PLAGL1: variants seen among roughly 807,000 people sequenced by gnomAD.
PLAGL1 encodes zinc finger protein PLAGL1.
In PLAGL1, 1 loss-of-function variant was observed where a neutral mutation model predicts 4.6. The ratio of observed to expected loss-of-function variants is 0.22; its 90% CI spans 0.08 to 1.03. PLAGL1 has a LOEUF of 1.03. Ranked by LOEUF, PLAGL1 falls within the 50% of genes least tolerant of loss-of-function variation. The pLI is 0.58. For missense variants in PLAGL1, 464 were observed against 570.4 expected (o/e 0.81, Z 1.90); for synonymous variants, 240 against 237.8 (o/e 1.01, Z -0.08).
intron 1 of PLAGL1, among the ~76,000 whole-genome samples, chr6:144,033,261 G>A (rs1034971243): frequency 1.3e-5 from 2 of 152,216 alleles, no homozygotes; most frequent in Non-Finnish European, 2.9e-5. Context: ...CTACTGCAGG[G>A]TCAGCTTGGA....
chr6:144,010,478 T>C (rs148987149), upstream of PLAGL1, among the ~76,000 whole-genome samples: 2 of 152,280 alleles, frequency 1.3e-5, no homozygotes, highest in African/African-American at 4.8e-5. This position sits in a 1 kb window ranked among gnomAD's most constrained non-coding sequence, Gnocchi z 4.1. Context: ...GGAAAAACAT[T>C]CCATGCTCAT....
chr6:144,047,656 T>A (rs530067069), intron 1 of PLAGL1, among the ~76,000 whole-genome samples: 3 of 152,042 alleles, frequency 2.0e-5, no homozygotes, highest in Admixed American at 6.5e-5. Flanking sequence ...GGGAAAACCA[T>A]CCCCATGATC....
At position 144,061,054 on chromosome 6, in the gene PLAGL1, G is replaced by A. The variant is rs1799352416; in HGVS notation, c.-151+3414C>T. On this transcript the variant is annotated intron_variant, in intron 1 of 3. Transcript: ENST00000437412. This position sits in a 1 kb window ranked among gnomAD's most constrained non-coding sequence, Gnocchi z 4.4. ...GACCTCCACTTATAAGCCTCAGAAA[G>A]AAAAATGTAATTTTCAAAGAAATTT... is the stretch of plus-strand genomic sequence containing the variant. 1.3e-5 allele frequency among the ~76,000 whole-genome samples: 2 copies of A among 152,148 alleles called. No homozygotes were observed. Among genetic ancestry groups the A allele is most frequent in the Non-Finnish European group, 1.5e-5 (1 of 68,026 alleles).
chr6:144,018,058 A>C (rs1160138078), intron 1 of PLAGL1, among the ~76,000 whole-genome samples: 2 of 152,250 alleles, frequency 1.3e-5, no homozygotes, highest in Non-Finnish European at 1.5e-5. Context: ...GAATGAGCAC[A>C]GAAGGAATAA....
rs1217317705 is a variant in PLAGL1 at position 143,953,116 on chromosome 6, ACTT to A, written c.-324-4659_-324-4657del. Among the ~76,000 whole-genome samples, 3 of 152,274 alleles carry A rather than the reference ACTT, an allele frequency of 2.0e-5. No homozygotes were observed. The highest frequency in any genetic ancestry group is 2.0e-4 in the Admixed American group (3 of 15,288). On this transcript the variant is annotated intron_variant, in intron 6 of 7. Coordinates refer to ENST00000674357, the MANE Select transcript of PLAGL1 (RefSeq NM_001317162.2). The surrounding 1 kb of genome is among the most constrained non-coding windows in gnomAD (Gnocchi z 5.3). ...CTGGGAACCCTTGTCTACCTGGCAA[ACTT>A]CTACTTTTCTCTGTCACTGCCAGGC... is the stretch of plus-strand genomic sequence containing the variant.
rs947550612 is a variant in PLAGL1, at chr6:144,061,180, C to T, written c.-151+3288G>A. ...TGTTCCTTTTCACTCCAGGGAGAGTCACAACAGCCAGAAGAGAGCCAACCA... is the reference window on the plus strand; with the variant it reads ...TGTTCCTTTTCACTCCAGGGAGAGTTACAACAGCCAGAAGAGAGCCAACCA... On this transcript the variant is annotated intron_variant, in intron 1 of 3. Transcript: ENST00000437412. This position sits in a 1 kb window ranked among gnomAD's most constrained non-coding sequence, Gnocchi z 4.4. Among the ~76,000 whole-genome samples the T allele has an allele frequency of 6.6e-6, 1 of 152,222 alleles. No individual in the cohort carries two copies. The highest frequency in any genetic ancestry group is 2.4e-5 in the African/African-American group (1 of 41,454).
chr6:144,052,946 T>G (rs1798684151), intron 1 of PLAGL1, among the ~76,000 whole-genome samples: 1 of 152,226 alleles, frequency 6.6e-6, no homozygotes, highest in African/African-American at 2.4e-5. Flanking sequence ...TAATTCTTTC[T>G]TGGTATCATG....
Position 143,952,005 on chromosome 6 carries a change from T to C in PLAGL1, c.-324-3545A>G, listed in dbSNP as rs1360013760. Among the ~76,000 whole-genome samples, 1 of 152,074 alleles carries C rather than the reference T, an allele frequency of 6.6e-6. No homozygotes were observed. Among genetic ancestry groups the C allele is most frequent in the Non-Finnish European group, 1.5e-5 (1 of 68,034 alleles). On this transcript the variant is annotated intron_variant, in intron 6 of 7. Transcript: ENST00000674357. The surrounding 1 kb of genome is among the most constrained non-coding windows in gnomAD (Gnocchi z 6.1). ...ATATGGGCCTTAGAATACAAATATT[T>C]GTTTTCATGATATAATAATAAACTT...
Position 143,971,576 on chromosome 6 carries a change from G to C in PLAGL1, c.-543-2598C>G, listed in dbSNP as rs990226211. On this transcript the variant is annotated intron_variant, in intron 2 of 7. Coordinates refer to ENST00000674357, the MANE Select transcript of PLAGL1 (RefSeq NM_001317162.2). This position sits in a 1 kb window ranked among gnomAD's most constrained non-coding sequence, Gnocchi z 4.7. ...AAGTTGAGAATAGCTAAGAAATTGGGTTTGTCCCAGTGTTCTGTGAAATCA... is the reference window on the plus strand; with the variant it reads ...AAGTTGAGAATAGCTAAGAAATTGGCTTTGTCCCAGTGTTCTGTGAAATCA... Among the ~76,000 whole-genome samples the C allele has an allele frequency of 6.6e-6, 1 of 152,188 alleles. No individual in the cohort carries two copies. The highest frequency in any genetic ancestry group is 1.5e-5 in the Non-Finnish European group (1 of 68,032).
chr6:144,010,409 C>G (rs1220543362), upstream of PLAGL1, among the ~76,000 whole-genome samples: 2 of 152,126 alleles, frequency 1.3e-5, no homozygotes, highest in African/African-American at 4.8e-5. The surrounding 1 kb of genome is among the most constrained non-coding windows in gnomAD (Gnocchi z 4.1). Context: ...ATGTGAAGGA[C>G]CTCTTCAAGG....
chr6:143,948,185 G>A lies in PLAGL1; in HGVS notation c.-49C>T. On this transcript the variant is annotated 5_prime_UTR_variant, in exon 7 of 8. It introduces an in-frame stop codon into an upstream open reading frame of the 5' UTR. Transcript: ENST00000674357. This position sits in a 1 kb window ranked among gnomAD's most constrained non-coding sequence, Gnocchi z 6.0. ...TTTTCAGATGTGCTGACCAAATGCT[G>A]TGCCATTTAAGCACAAACAGAACGA... is the stretch of plus-strand genomic sequence containing the variant. 1 of 1,574,354 alleles carries A rather than the reference G, an allele frequency of 6.4e-7. No individual in the cohort carries two copies. Among genetic ancestry groups the A allele is most frequent in the Non-Finnish European group, 8.7e-7 (1 of 1,147,280 alleles).
chr6:144,054,248 C>G (rs1351952572), intron 1 of PLAGL1, among the ~76,000 whole-genome samples: 1 of 152,212 alleles, frequency 6.6e-6, no homozygotes, highest in Admixed American at 6.5e-5. Flanking sequence ...GTTTAGTATA[C>G]ATCTTTCCAA....
Position 143,955,291 on chromosome 6 carries a change from A to T in PLAGL1, c.-325+5178T>A, listed in dbSNP as rs1781885137. On this transcript the variant is annotated intron_variant, in intron 6 of 7. Transcript: ENST00000674357. This position sits in a 1 kb window ranked among gnomAD's most constrained non-coding sequence, Gnocchi z 4.9. ...CAAGGGAATGAATCCAACCACCTGG[A>T]GAATAAGTGGTTCAGTAAGACTGGA... is the stretch of plus-strand genomic sequence containing the variant. 6.6e-6 allele frequency among the ~76,000 whole-genome samples: 1 copy of T among 152,174 alleles called. No homozygotes were observed. Among genetic ancestry groups the T allele is most frequent in the African/African-American group, 2.4e-5 (1 of 41,440 alleles).
rs554523415 is a variant in PLAGL1, at chr6:143,973,663, C to G, written c.-543-4685G>C. 6.6e-6 allele frequency among the ~76,000 whole-genome samples: 1 copy of G among 152,200 alleles called. No individual in the cohort carries two copies. The highest frequency in any genetic ancestry group is 1.5e-5 in the Non-Finnish European group (1 of 68,034). On this transcript the variant is annotated intron_variant, in intron 2 of 7. Coordinates refer to ENST00000674357, the MANE Select transcript of PLAGL1 (RefSeq NM_001317162.2). This position sits in a 1 kb window ranked among gnomAD's most constrained non-coding sequence, Gnocchi z 6.2. ...ACCCAAACTATATGGAAACTTTATTCTCAATCGAATGGTTCGTTCTAATAG... is the reference window on the plus strand; with the variant it reads ...ACCCAAACTATATGGAAACTTTATTGTCAATCGAATGGTTCGTTCTAATAG...
At position 144,061,152 on chromosome 6, in the gene PLAGL1, C is replaced by T. The variant is rs574835310; in HGVS notation, c.-151+3316G>A. Among the ~76,000 whole-genome samples the T allele has an allele frequency of 6.6e-6, 1 of 152,334 alleles. No homozygotes were observed. The highest frequency in any genetic ancestry group is 1.9e-4 in the East Asian group (1 of 5,192). ...TGTAACAGACATGCATGATTACAGCCTTTGTTCCTTTTCACTCCAGGGAGA... is the reference window on the plus strand; with the variant it reads ...TGTAACAGACATGCATGATTACAGCTTTTGTTCCTTTTCACTCCAGGGAGA... On this transcript the variant is annotated intron_variant, in intron 1 of 3. Transcript: ENST00000437412. This position sits in a 1 kb window ranked among gnomAD's most constrained non-coding sequence, Gnocchi z 4.4.
upstream of PLAGL1, among the ~76,000 whole-genome samples, chr6:144,012,152 C>CT (rs1232318112): frequency 6.6e-6 from 1 of 152,034 alleles, no homozygotes; most frequent in Non-Finnish European, 1.5e-5. This position sits in a 1 kb window ranked among gnomAD's most constrained non-coding sequence, Gnocchi z 4.8. Flanking sequence ...TAAGGTTGTA[C>CT]TTTTTTCTTC....
chr6:144,062,554 C>T (rs1028272645), intron 1 of PLAGL1, among the ~76,000 whole-genome samples: 1 of 149,778 alleles, frequency 6.7e-6, no homozygotes, highest in Non-Finnish European at 1.5e-5. Context: ...CAGAAGGGCA[C>T]TGTTTACCCG....
chr6:144,008,772 C>G (rs1019516715), upstream of PLAGL1: 2 of 152,300 alleles, frequency 1.3e-5, no homozygotes, highest in Non-Finnish European at 2.9e-5. This position sits in a 1 kb window ranked among gnomAD's most constrained non-coding sequence, Gnocchi z 6.9. Flanking sequence ...GCTGCCCAAA[C>G]GTGAGCACTG....
At chr6:144,062,943 G>A (rs12211413) in intron 1 of PLAGL1, among the ~76,000 whole-genome samples, 26,984 of 152,110 alleles carry the variant, frequency 0.18, 2,755 homozygotes, top group Middle Eastern at 0.28. Flanking sequence ...AAAGCCTTTG[G>A]TTCTTGAGAA....
Sources: allele counts gnomAD v4.1 joint callset (sites outside exome capture counted in the v4.1 genomes callset), GRCh38; gene constraint gnomAD v4.1.1; non-coding constraint Gnocchi (gnomAD v3.1); transcripts MANE v1.5; gene names NCBI Gene and HGNC (gene_info 2026-07-23, HGNC 2026-07-21).